The following SYNPO2 variants were observed in gnomAD, a reference collection of about 807,000 sequenced individuals.
SYNPO2 encodes synaptopodin 2, also known as synaptopodin-2.
Under a neutral mutation model 85.0 loss-of-function variants are expected in SYNPO2, and 56 were observed. The observed-to-expected ratio is 0.66, with a 90% CI of 0.53 to 0.82. SYNPO2 has a LOEUF of 0.82. SYNPO2 is among the 40% of genes least tolerant of loss of function. The pLI, the probability that SYNPO2 is intolerant of heterozygous loss-of-function variation, is 0.00. For synonymous variants in SYNPO2, 602 were observed against 591.1 expected (o/e 1.02, Z -0.27); for missense variants, 1,575 against 1,534.2 (o/e 1.03, Z -0.44).
At chr4:118,965,379 C>T (rs1175564622) in intron 1 of SYNPO2, among the ~76,000 whole-genome samples, 3 of 152,100 alleles carry the variant, frequency 2.0e-5, no homozygotes, top group African/African-American at 4.8e-5. Flanking sequence ...TTCTACTCCT[C>T]ACATCATCCC....
chr4:118,938,556 T>C (rs1397997912), intron 1 of SYNPO2, among the ~76,000 whole-genome samples: 4 of 152,162 alleles, frequency 2.6e-5, no homozygotes. Context: ...TCTTGAATAA[T>C]TCTAAGAAGT....
intron 1 of SYNPO2, among the ~76,000 whole-genome samples, chr4:118,876,707 TTCTTTCTTTC>T (rs1181454902): frequency 7.4e-6 from 1 of 134,826 alleles, no homozygotes; most frequent in Non-Finnish European, 1.6e-5. Context: ...CTTTCTTTCT[TTCTTTCTTTC>T]TTTCTTTCTT....
chr4:118,860,892 C>T (rs543253063), intron 1 of SYNPO2, among the ~76,000 whole-genome samples: 1 of 152,094 alleles, frequency 6.6e-6, no homozygotes, highest in South Asian at 2.1e-4. Flanking sequence ...ATTTTTTTTC[C>T]TATAGAGTTG....
chr4:118,975,083 A>G (rs937702443), intron 1 of SYNPO2, among the ~76,000 whole-genome samples: 1 of 152,018 alleles, frequency 6.6e-6, no homozygotes, highest in African/African-American at 2.4e-5. Context: ...ACTTTCAATA[A>G]CCTGTCACAC....
upstream of SYNPO2, among the ~76,000 whole-genome samples, chr4:118,886,687 C>T (rs1732204975): frequency 6.6e-6 from 1 of 152,122 alleles, no homozygotes; most frequent in African/African-American, 2.4e-5. Context: ...CAAGTCTTTG[C>T]TATTGTAATT....
intron 1 of SYNPO2, among the ~76,000 whole-genome samples, chr4:118,869,089 G>T (rs936204454): frequency 1.4e-4 from 22 of 152,200 alleles, no homozygotes; most frequent in Admixed American, 1.2e-3. Context: ...TTTTGAGACA[G>T]AGTTTCGCTC....
intron 1 of SYNPO2, among the ~76,000 whole-genome samples, chr4:118,878,851 G>A (rs1287872523): frequency 6.6e-6 from 1 of 152,234 alleles, no homozygotes; most frequent in African/African-American, 2.4e-5. Context: ...CCAGCCAGCA[G>A]AGGCACCCAC....
At chr4:118,935,465 T>C (rs1053806151) in intron 1 of SYNPO2, among the ~76,000 whole-genome samples, 1 of 152,278 alleles carries the variant, frequency 6.6e-6, no homozygotes, top group Admixed American at 6.5e-5. Flanking sequence ...TTTAAATCAA[T>C]GTATACATAA....
chr4:118,959,107 T>C (rs1189418846), intron 1 of SYNPO2, among the ~76,000 whole-genome samples: 1 of 152,216 alleles, frequency 6.6e-6, no homozygotes, highest in Non-Finnish European at 1.5e-5. Flanking sequence ...ACTCAATCTA[T>C]TATTTTTACA....
intron 4 of SYNPO2, among the ~76,000 whole-genome samples, chr4:119,047,762 C>G (rs1738915729): frequency 6.6e-6 from 1 of 152,134 alleles, no homozygotes; most frequent in African/African-American, 2.4e-5. Flanking sequence ...GAAATTTTTT[C>G]CAGTGTTGAA....
intron 1 of SYNPO2, among the ~76,000 whole-genome samples, chr4:118,962,623 G>C (rs889533664): frequency 6.6e-6 from 1 of 152,114 alleles, no homozygotes; most frequent in Admixed American, 6.5e-5. Flanking sequence ...GCTCCAAAGT[G>C]TTGGAAATAG....
At chr4:118,879,092 C>G (rs912562287) in intron 1 of SYNPO2, among the ~76,000 whole-genome samples, 1 of 152,172 alleles carries the variant, frequency 6.6e-6, no homozygotes, top group Non-Finnish European at 1.5e-5. Flanking sequence ...TGTGCCACTT[C>G]ACTCCTGAAG....
chr4:118,959,985 T>C (rs1296076313), intron 1 of SYNPO2, among the ~76,000 whole-genome samples: 1 of 152,166 alleles, frequency 6.6e-6, no homozygotes, highest in Non-Finnish European at 1.5e-5. Context: ...GTGGGTTCTA[T>C]CCTTGTAAGA....
rs1202789900 is a variant in SYNPO2 at position 118,927,752 on chromosome 4, T to TATATAGAC, written c.105+38612_105+38613insTATAGACA. Among the ~76,000 whole-genome samples the TATATAGAC allele has an allele frequency of 4.4e-3, 629 of 143,686 alleles. 5 individuals carry two copies. Among genetic ancestry groups the TATATAGAC allele is most frequent in the Middle Eastern group, 6.9e-3 (2 of 288 alleles). 94.3% of individuals were successfully genotyped at this position (143,686 alleles called of 152,430 possible). ...GATAGATAGATAGATAGATAGATGA[T>TATATAGAC]AGATAGATATATAGATAGATAGATG... On this transcript the variant is annotated intron_variant, in intron 1 of 4. Coordinates refer to ENST00000307142, the MANE Select transcript of SYNPO2 (RefSeq NM_133477.3).
chr4:118,930,944 G>C (rs1459832616), intron 1 of SYNPO2, among the ~76,000 whole-genome samples: 4 of 150,298 alleles, frequency 2.7e-5, no homozygotes, highest in Admixed American at 2.0e-4. Context: ...AAAATGGTAA[G>C]TATCTTGAGG....
chr4:118,922,652 A>C (rs757273106), intron 1 of SYNPO2, among the ~76,000 whole-genome samples: 1 of 151,710 alleles, frequency 6.6e-6, no homozygotes, highest in African/African-American at 2.4e-5. Flanking sequence ...ATCTTTGTTC[A>C]TGTAACCAAA....
At chr4:118,851,992 C>T (rs1165312991) in intron 1 of SYNPO2, among the ~76,000 whole-genome samples, 1 of 152,038 alleles carries the variant, frequency 6.6e-6, no homozygotes, top group Non-Finnish European at 1.5e-5. Context: ...GAATCTGAAA[C>T]CATAGCAAGA....
intron 1 of SYNPO2, among the ~76,000 whole-genome samples, chr4:119,007,247 TATATAC>T (rs1737087454): frequency 4.5e-5 from 1 of 22,138 alleles, no homozygotes; most frequent in African/African-American, 1.3e-4. Flanking sequence ...TATATATATG[TATATAC>T]ATATATATAT....
chr4:118,943,954 G>T (rs34681260), intron 1 of SYNPO2, among the ~76,000 whole-genome samples: 1 of 152,114 alleles, frequency 6.6e-6, no homozygotes, highest in Admixed American at 6.5e-5. Context: ...ACATACCTAC[G>T]TGGAAGTAAC....
Sources: allele counts gnomAD v4.1 joint callset (sites outside exome capture counted in the v4.1 genomes callset), GRCh38; gene constraint gnomAD v4.1.1; transcripts MANE v1.5; gene names NCBI Gene and HGNC (gene_info 2026-07-23, HGNC 2026-07-21).